Variants in FBXO40 observed in about 807,000 individuals in gnomAD.
FBXO40 encodes the protein F-box only protein 40.
FBXO40 carries 50 observed loss-of-function variants against 49.9 expected under a neutral mutation model. That is an observed-to-expected ratio of 1.00 (90% CI 0.80 to 1.27). The LOEUF is 1.27. Ranked by LOEUF, FBXO40 falls within the 50% of genes most tolerant of loss-of-function variation. The pLI is 0.00. For missense variants in FBXO40, 895 were observed against 870.1 expected (o/e 1.03, Z -0.36); for synonymous variants, 340 against 320.2 (o/e 1.06, Z -0.66).
At chr3:121,621,270 G>A (rs1414210436) in intron 2 of FBXO40, among the ~76,000 whole-genome samples, 163 bp from the exon 3 acceptor site, 4 of 152,160 alleles carry the variant, frequency 2.6e-5, no homozygotes, top group African/African-American at 9.7e-5. Flanking sequence ...ACTTATAGTT[G>A]TTATTTCTGG....
rs1404255542 is a variant in FBXO40 at position 121,614,822 on chromosome 3, T to C, written c.-30-5724T>C. Among the ~76,000 whole-genome samples the C allele has an allele frequency of 2.6e-5, 4 of 152,232 alleles. No homozygotes were observed. The East Asian group carries it at 7.7e-4, about 29-fold the overall frequency. On this transcript the variant is annotated intron_variant, in intron 1 of 3. Transcript: ENST00000338040. ...AGTGGGAGTCTCTTCTTATTGTCCA[T>C]CCATACAAGGACACCAGAAGGATGT...
intron 1 of FBXO40, among the ~76,000 whole-genome samples, chr3:121,615,338 C>T (rs2048991521): frequency 6.6e-6 from 1 of 151,832 alleles, no homozygotes; most frequent in Non-Finnish European, 1.5e-5. Context: ...AGGCAGATTC[C>T]TTGAGGTCAG....
chr3:121,620,910 C>T (rs2049026322), intron 2 of FBXO40, among the ~76,000 whole-genome samples: 1 of 152,200 alleles, frequency 6.6e-6, no homozygotes, highest in African/African-American at 2.4e-5. Flanking sequence ...ATGCTAGGGA[C>T]ATAAATGCGA....
intron 1 of FBXO40, 44 bp downstream of exon 1, chr3:121,593,546 C>T (rs552803089): frequency 1.1e-4 from 17 of 152,246 alleles, no homozygotes; most frequent in South Asian, 6.2e-4. Flanking sequence ...CGAGGACATT[C>T]AGTGGTGAAT....
In FBXO40 at chr3:121,620,574, C is replaced by G; in HGVS notation, c.-2C>G. 6.2e-7 allele frequency: 1 copy of G among 1,614,104 alleles called. No individual in the cohort carries two copies. Among genetic ancestry groups the G allele is most frequent in the Non-Finnish European group, 8.5e-7 (1 of 1,180,010 alleles). On this transcript the variant is annotated 5_prime_UTR_variant, in exon 2 of 4. Transcript: ENST00000338040. ...TAAGAAGCAAGAAGAAATTGGGGCG[C>G]CATGGTAAGCACCAGGAGCTTATTG...
rs1202347095 is a variant in FBXO40 at position 121,622,345 on chromosome 3, G to T, written c.916G>T (p.Asp306Tyr). 1 of 1,614,198 alleles carries T rather than the reference G, an allele frequency of 6.2e-7. No homozygotes were observed. Among genetic ancestry groups the T allele is most frequent in the Admixed American group, 1.7e-5 (1 of 60,034 alleles). ...ERLKTAVDAKDYNMYLVHNGR... is the reference protein window; with the variant it reads ...ERLKTAVDAKYYNMYLVHNGR... ...ACTGAAAACAGCTGTGGATGCAAAG[G>T]ACTATAACATGTATCTAGTGCACAA... The change falls in exon 3 of 4, where the codon GAC becomes TAC. Residue 306 changes from aspartate (D) to tyrosine (Y), a missense_variant. Coordinates refer to ENST00000338040, the MANE Select transcript of FBXO40 (RefSeq NM_016298.4).
chr3:121,606,696 T>C (rs577685998), intron 1 of FBXO40, among the ~76,000 whole-genome samples: 46 of 152,198 alleles, frequency 3.0e-4, no homozygotes, highest in Non-Finnish European at 1.2e-4. Context: ...AATTATAAGT[T>C]TCCCTTTGGA....
intron 1 of FBXO40, among the ~76,000 whole-genome samples, chr3:121,618,642 C>T (rs1370087614): frequency 4.0e-5 from 6 of 151,636 alleles, no homozygotes; most frequent in East Asian, 1.9e-4. Flanking sequence ...GTGATCCACC[C>T]GCTTGGGCCT....
At chr3:121,596,948 T>A (rs1373256026) in intron 1 of FBXO40, among the ~76,000 whole-genome samples, 1 of 152,200 alleles carries the variant, frequency 6.6e-6, no homozygotes. Context: ...CAGTGTTTGC[T>A]CTACTCACTC....
chr3:121,619,175 C>CTT (rs72530424), intron 1 of FBXO40, among the ~76,000 whole-genome samples: 37 of 150,662 alleles, frequency 2.5e-4, no homozygotes, highest in Admixed American at 4.0e-4. Context: ...AATTTTTTAA[C>CTT]TGTTTTTTTT....
chr3:121,614,982 G>A (rs1027665011), intron 1 of FBXO40, among the ~76,000 whole-genome samples: 1 of 152,170 alleles, frequency 6.6e-6, no homozygotes, highest in Non-Finnish European at 1.5e-5. Context: ...CACTTCGGGA[G>A]GCCGAGGCTG....
rs143310041 is a variant in FBXO40 at position 121,626,753 on chromosome 3, C to A, written c.1973C>A (p.Thr658Asn). The A allele has an allele frequency of 6.2e-7, 1 of 1,614,060 alleles. No homozygotes were observed. Among genetic ancestry groups the A allele is most frequent in the Non-Finnish European group, 8.5e-7 (1 of 1,180,036 alleles). The change falls in exon 4 of 4, where the codon ACC (threonine) becomes AAC (asparagine). Residue 658 changes from threonine to asparagine, a missense_variant. Transcript: ENST00000338040. ...KIKSWEFNEV[T>N]SMSEHLKSCP... ...AAGAGCTGGGAGTTTAATGAAGTCACCTCCATGTCTGAGCACCTGAAGTCC... is the reference window on the plus strand; with the variant it reads ...AAGAGCTGGGAGTTTAATGAAGTCAACTCCATGTCTGAGCACCTGAAGTCC...
Position 121,621,369 on chromosome 3 carries a change from G to A in FBXO40, c.4-64G>A, listed in dbSNP as rs951616862. The stretch of plus-strand genomic sequence containing the variant: ...ATATGTCAATTAAAACACAGTCATA[G>A]ACATGCATAGAGCTTCTCCTCAGTA... On this transcript the variant is annotated intron_variant, in intron 2 of 3. Coordinates refer to ENST00000338040, the MANE Select transcript of FBXO40 (RefSeq NM_016298.4). 2.0e-5 allele frequency: 28 copies of A among 1,409,362 alleles called. No individual in the cohort carries two copies. In the East Asian group the frequency reaches 5.5e-4, roughly 28 times the overall value. 87.3% of individuals were successfully genotyped at this position (1,409,362 alleles called of 1,614,324 possible). A position where few individuals can be genotyped will look rare whatever the true frequency, so the allele number is the denominator to read the frequency against.
At position 121,627,526 on chromosome 3, in the gene FBXO40, A is replaced by G. The variant is rs958742503; in HGVS notation, c.*616A>G. ...GGCAGCCTTGAAGACACCACAGGCC[A>G]AAACATGAGGGGCAGAAATGGGATC... On this transcript the variant is annotated 3_prime_UTR_variant, in exon 4 of 4. Transcript: ENST00000338040. 1.3e-5 allele frequency: 3 copies of G among 225,124 alleles called. No individual in the cohort carries two copies. The highest frequency in any genetic ancestry group is 2.6e-5 in the Non-Finnish European group (3 of 116,730). 13.9% of individuals were successfully genotyped at this position (225,124 alleles called of 1,614,324 possible).
chr3:121,602,646 A>G (rs2048906268), intron 1 of FBXO40, among the ~76,000 whole-genome samples: 1 of 152,112 alleles, frequency 6.6e-6, no homozygotes, highest in Non-Finnish European at 1.5e-5. Context: ...AGGTCTTCCT[A>G]CTCCATTTAT....
intron 1 of FBXO40, among the ~76,000 whole-genome samples, chr3:121,608,642 TTTAGC>T: frequency 6.6e-6 from 1 of 152,312 alleles, no homozygotes; most frequent in Middle Eastern, 3.4e-3. Context: ...ACTGGTGCCC[TTTAGC>T]TTCTAGGACC....
intron 1 of FBXO40, among the ~76,000 whole-genome samples, chr3:121,611,927 C>T (rs1267438076): frequency 1.3e-5 from 2 of 152,064 alleles, no homozygotes; most frequent in African/African-American, 2.4e-5. Context: ...TTTTATACAA[C>T]ACATGTTTTT....
chr3:121,603,514 T>G (rs2048911755), intron 1 of FBXO40, among the ~76,000 whole-genome samples: 1 of 152,212 alleles, frequency 6.6e-6, no homozygotes, highest in African/African-American at 2.4e-5. Context: ...AGGGCTGCAC[T>G]GTCAGGACAT....
At chr3:121,618,216 G>C (rs530033598) in intron 1 of FBXO40, among the ~76,000 whole-genome samples, 20 of 151,960 alleles carry the variant, frequency 1.3e-4, no homozygotes, top group African/African-American at 4.3e-4. Context: ...TAGACATTTT[G>C]GAGACAACTG....
Sources: gnomAD v4.1 joint callset for allele counts (sites outside exome capture counted in the v4.1 genomes callset) on GRCh38, gnomAD v4.1.1 for gene constraint, MANE v1.5 for transcripts, NCBI Gene and HGNC (gene_info 2026-07-23, HGNC 2026-07-21) for gene names.